Variants in MIDEAS observed in about 807,000 individuals in gnomAD.
MIDEAS encodes the protein mitotic deacetylase-associated SANT domain protein.
A neutral mutation model predicts 102.7 loss-of-function variants in MIDEAS; 26 were observed. That is an observed-to-expected ratio of 0.25 (90% CI 0.19 to 0.35). The LOEUF is 0.35. Ranked by LOEUF, MIDEAS falls within the 10% of genes least tolerant of loss-of-function variation. MIDEAS has a pLI of 1.00. For synonymous variants in MIDEAS, 585 were observed against 591.0 expected, an observed-to-expected ratio of 0.99 and a Z score of 0.15; for missense variants, 1,231 against 1,435.6, an observed-to-expected ratio of 0.86 and a Z score of 2.30.
intron 11 of MIDEAS, among the ~76,000 whole-genome samples, chr14:73,719,841 T>C (rs1414181466): frequency 6.6e-6 from 1 of 151,446 alleles, no homozygotes; most frequent in African/African-American, 2.4e-5. Context: ...CATGCCCTGT[T>C]CTATAAATGA....
At chr14:73,744,637 A>T (rs1485703309) in intron 1 of MIDEAS, among the ~76,000 whole-genome samples, 1 of 152,118 alleles carries the variant, frequency 6.6e-6, no homozygotes, top group Non-Finnish European at 1.5e-5. Flanking sequence ...CTGTCTTAGG[A>T]CAAAGTCTAA....
chr14:73,738,788 C>T lies in MIDEAS; in HGVS notation c.1221G>A (p.Ser407=), dbSNP rs142510283. ...ALGFPLELRE[S]QLLPDGERLA... ...GTCTCTCCCCATCAGGCAGTAGCTG[C>T]GACTCCCTCAGCTCCAGCGGGAATC... The change falls in exon 2 of 13, where the codon TCG becomes TCA. Residue 407 remains serine, a synonymous_variant. Coordinates refer to ENST00000423556, the MANE Select transcript of MIDEAS (RefSeq NM_001367710.1). 8 of 1,582,204 alleles carry T rather than the reference C, an allele frequency of 5.1e-6. 1 individual carries two copies. The Admixed American group carries it at 7.3e-5, about 14-fold the overall frequency.
At chr14:73,769,589 T>TTTTTG (rs71460918) in intron 1 of MIDEAS, among the ~76,000 whole-genome samples, 56,880 of 150,022 alleles carry the variant, frequency 0.38, 11,390 homozygotes, top group East Asian at 0.66. Context: ...TGCAAGAGGG[T>TTTTTG]TTTTGTTTTG....
intron 9 of MIDEAS, chr14:73,723,805 C>G (rs1479857909): frequency 1.3e-5 from 2 of 152,234 alleles, no homozygotes; most frequent in Non-Finnish European, 2.9e-5. Flanking sequence ...ACATCCAAAG[C>G]CAGCCCTGAC....
intron 1 of MIDEAS, among the ~76,000 whole-genome samples, chr14:73,768,582 T>G (rs901506488): frequency 3.3e-5 from 5 of 151,204 alleles, no homozygotes; most frequent in Non-Finnish European, 7.4e-5. Flanking sequence ...CCTCCCAGGT[T>G]CAAGCGATTC....
intron 1 of MIDEAS, among the ~76,000 whole-genome samples, chr14:73,751,404 C>A (rs757289810): frequency 8.5e-5 from 13 of 152,180 alleles, no homozygotes; most frequent in Non-Finnish European, 1.8e-4. Flanking sequence ...CTGAAAACCA[C>A]CATGATGTTC....
intron 1 of MIDEAS, among the ~76,000 whole-genome samples, chr14:73,781,136 T>C (rs1267283798): frequency 6.6e-6 from 1 of 152,154 alleles, no homozygotes; most frequent in Non-Finnish European, 1.5e-5. Flanking sequence ...TCAACAGCTG[T>C]GGGAACTTGG....
chr14:73,788,038 G>T (rs988464271), upstream of MIDEAS, among the ~76,000 whole-genome samples: 2 of 151,776 alleles, frequency 1.3e-5, no homozygotes, highest in African/African-American at 2.4e-5. Flanking sequence ...TTATTAAAAA[G>T]TACAACGGAA....
At chr14:73,736,955 G>A (rs2053208037) in intron 3 of MIDEAS, 43 bp downstream of exon 3, 3 of 1,577,938 alleles carry the variant, frequency 1.9e-6, no homozygotes, top group Non-Finnish European at 2.6e-6. Context: ...GGCCCCCTGA[G>A]CACTCACGCG....
At chr14:73,729,596 C>G (rs563412263) in intron 4 of MIDEAS, 44 bp downstream of exon 4, 1 of 1,515,990 alleles carries the variant, frequency 6.6e-7, no homozygotes, top group Admixed American at 1.8e-5. Flanking sequence ...CTGCCCAGTG[C>G]CCCAGCCCCG....
intron 1 of MIDEAS, among the ~76,000 whole-genome samples, chr14:73,784,072 G>A (rs2053783207): frequency 6.6e-6 from 1 of 152,236 alleles, no homozygotes; most frequent in Non-Finnish European, 1.5e-5. Context: ...TTCCGCCAGA[G>A]TTGCTGGGTT....
At chr14:73,723,105 G>A in intron 9 of MIDEAS, 1 of 327,350 alleles carries the variant, frequency 3.1e-6, no homozygotes, top group Admixed American at 4.6e-5. Context: ...CCACTCGGGA[G>A]ATGGCAATAT....
intron 3 of MIDEAS, among the ~76,000 whole-genome samples, chr14:73,733,883 C>T (rs564487300): frequency 1.3e-4 from 19 of 151,668 alleles, no homozygotes; most frequent in East Asian, 2.0e-4. Context: ...TTAGTAGAGA[C>T]GGGGTTTCAC....
rs944412425 is a variant in MIDEAS, at chr14:73,759,764, C to T, written c.-249G>A. On this transcript the variant is annotated splice_region_variant and 5_prime_UTR_variant, in exon 1 of 13. Transcript: ENST00000423556. This position sits in a 1 kb window ranked among gnomAD's most constrained non-coding sequence, Gnocchi z 6.7. ...CGCCGGCCAGGCAGCCCCACTTACC[C>T]AGCTCTTGCCCGGGCTCCGGGCTCC... The T allele has an allele frequency of 3.3e-5, 5 of 151,936 alleles. No individual in the cohort carries two copies. Among genetic ancestry groups the T allele is most frequent in the African/African-American group, 1.2e-4 (5 of 41,414 alleles). 9.4% of individuals were successfully genotyped at this position (151,936 alleles called of 1,614,324 possible). A position where few individuals can be genotyped will look rare whatever the true frequency, so the allele number is the denominator to read the frequency against.
At chr14:73,743,183 C>G (rs181621542) in intron 1 of MIDEAS, among the ~76,000 whole-genome samples, 219 of 152,212 alleles carry the variant, frequency 1.4e-3, no homozygotes, top group African/African-American at 4.9e-3. Context: ...TTCCACAGCA[C>G]ACTCTACACC....
intron 11 of MIDEAS, among the ~76,000 whole-genome samples, chr14:73,720,236 CTTTT>C (rs33980532): frequency 2.6e-5 from 3 of 116,734 alleles, no homozygotes; most frequent in African/African-American, 3.3e-5. Flanking sequence ...ACACACATTC[CTTTT>C]TTTTTTTTTT....
upstream of MIDEAS, among the ~76,000 whole-genome samples, chr14:73,765,232 C>T (rs1345680086): frequency 6.6e-6 from 1 of 152,198 alleles, no homozygotes; most frequent in African/African-American, 2.4e-5. Flanking sequence ...CTTTAAAGCA[C>T]TGATTTTAAA....
chr14:73,783,019 A>G (rs1232112408), intron 1 of MIDEAS, among the ~76,000 whole-genome samples: 1 of 152,178 alleles, frequency 6.6e-6, no homozygotes, highest in Non-Finnish European at 1.5e-5. Context: ...CAAAACATTT[A>G]TTGAGACTTG....
At chr14:73,720,554 T>C (rs2052974878) in intron 11 of MIDEAS, among the ~76,000 whole-genome samples, 1 of 151,998 alleles carries the variant, frequency 6.6e-6, no homozygotes, top group South Asian at 2.1e-4. Flanking sequence ...GCCTACTACA[T>C]ACATTTCTAA....
Sources: gnomAD v4.1 joint callset for allele counts (sites outside exome capture counted in the v4.1 genomes callset) on GRCh38, gnomAD v4.1.1 for gene constraint, Gnocchi (gnomAD v3.1) non-coding constraint, MANE v1.5 for transcripts, NCBI Gene and HGNC (gene_info 2026-07-23, HGNC 2026-07-21) for gene names.